ATG13: variants seen among roughly 807,000 people sequenced by gnomAD.
ATG13 encodes autophagy related 13, also known as autophagy-related protein 13.
Under a neutral mutation model 65.5 loss-of-function variants are expected in ATG13, and 23 were observed. That is an observed-to-expected ratio of 0.35 (90% CI 0.25 to 0.50). The LOEUF (loss-of-function observed/expected upper bound fraction) is 0.50. Among genes scored for constraint, ATG13 ranks in the 20% least tolerant of loss-of-function variants. The pLI is 0.98. For synonymous variants in ATG13, 252 were observed against 245.2 expected (o/e 1.03, Z -0.26); for missense variants, 566 against 677.0 (o/e 0.84, Z 1.82).
rs1565647959 is a variant in ATG13, at chr11:46,672,339, C to A, written c.*7C>A. 1 of 1,614,104 alleles carries A rather than the reference C, an allele frequency of 6.2e-7. No homozygotes were observed. The highest frequency in any genetic ancestry group is 1.3e-5 in the African/African-American group (1 of 74,940). ...TGTGGAAACCCTGCAGTAAAAGTAT[C>A]CTTGAGTCCCAGCAGCACCCCCTTT... is the stretch of plus-strand genomic sequence containing the variant. On this transcript the variant is annotated 3_prime_UTR_variant, in exon 19 of 19. Coordinates refer to ENST00000683050, the MANE Select transcript of ATG13 (RefSeq NM_001346311.2).
intron 6 of ATG13, among the ~76,000 whole-genome samples, chr11:46,649,392 C>T (rs1371922966): frequency 2.0e-5 from 3 of 152,206 alleles, no homozygotes; most frequent in African/African-American, 7.2e-5. Flanking sequence ...TCCAGAGAGA[C>T]TCAGATACTA....
intron 1 of ATG13, among the ~76,000 whole-genome samples, chr11:46,624,213 A>G (rs966979972): frequency 6.6e-6 from 1 of 152,154 alleles, no homozygotes; most frequent in Non-Finnish European, 1.5e-5. Flanking sequence ...CATGTTGGCC[A>G]GGCTGGTCTC....
intron 1 of ATG13, among the ~76,000 whole-genome samples, chr11:46,624,886 A>T (rs997301264): frequency 6.6e-6 from 1 of 152,034 alleles, no homozygotes; most frequent in Non-Finnish European, 1.5e-5. Flanking sequence ...ATAAAAAATT[A>T]CCTGGGCATG....
rs1266790985 is a variant in ATG13, at chr11:46,669,128, C to G, written c.1446+218C>G. Among the ~76,000 whole-genome samples the G allele has an allele frequency of 2.6e-5, 4 of 152,188 alleles. No individual in the cohort carries two copies. The East Asian group carries it at 7.7e-4, about 29-fold the overall frequency. Reference sequence around the variant, plus strand: ...TTTGGTTAAAATTCATAATGAAATTCAACTCTAAATGGAGATTTTCCACTG... The same window carrying G: ...TTTGGTTAAAATTCATAATGAAATTGAACTCTAAATGGAGATTTTCCACTG... On this transcript the variant is annotated intron_variant, in intron 17 of 18. Transcript: ENST00000683050.
chr11:46,648,945 A>G, intron 5 of ATG13, 192 bp from the exon 6 acceptor site: 1 of 426,042 alleles, frequency 2.3e-6, no homozygotes, highest in Non-Finnish European at 4.1e-6. Context: ...TTTATTAAGA[A>G]AAAACAAGTC....
At chr11:46,665,583 C>A in intron 14 of ATG13, 64 bp downstream of exon 14, 1 of 1,572,082 alleles carries the variant, frequency 6.4e-7, no homozygotes, top group Middle Eastern at 1.7e-4. Flanking sequence ...CCCTGACACA[C>A]GTGCTTATTT....
chr11:46,619,372 CTTTTTTTTTTTTT>C (rs746642470), intron 1 of ATG13, among the ~76,000 whole-genome samples: 9 of 35,324 alleles, frequency 2.5e-4, no homozygotes, highest in Middle Eastern at 0.021. Flanking sequence ...AGATTTCTTG[CTTTTTTTTTTTTT>C]TTTTTTTTTT....
intron 2 of ATG13, among the ~76,000 whole-genome samples, chr11:46,635,011 T>C (rs933326241): frequency 6.6e-6 from 1 of 151,532 alleles, no homozygotes; most frequent in African/African-American, 2.4e-5. Flanking sequence ...TAGGTTTTTT[T>C]TGTTTTTTTT....
rs780051483 is a variant in ATG13, at chr11:46,657,204, C to G, written c.596+13C>G. The G allele has an allele frequency of 6.2e-7, 1 of 1,601,268 alleles. No individual in the cohort carries two copies. The highest frequency in any genetic ancestry group is 8.6e-7 in the Non-Finnish European group (1 of 1,168,972). ...TCATGTCTACCAGGTGAGGAAGAGC[C>G]CTGGAATCCAAAAGAACTCTTCCGA... On this transcript the variant is annotated intron_variant, in intron 9 of 18. Transcript: ENST00000683050.
chr11:46,646,914 C>G (rs1223758795), intron 5 of ATG13, among the ~76,000 whole-genome samples: 15 of 152,130 alleles, frequency 9.9e-5, no homozygotes, highest in Admixed American at 9.8e-4. Context: ...CATGCACCAC[C>G]ATGCCCAGCT....
At chr11:46,629,641 C>G (rs946930465) in intron 1 of ATG13, among the ~76,000 whole-genome samples, 1 of 152,164 alleles carries the variant, frequency 6.6e-6, no homozygotes, top group Non-Finnish European at 1.5e-5. Flanking sequence ...AGATGATCCA[C>G]CCGCTTCGGC....
intron 8 of ATG13, 118 bp from the exon 9 acceptor site, chr11:46,656,977 A>G (rs2060176184): frequency 2.4e-6 from 2 of 827,408 alleles, no homozygotes; most frequent in Non-Finnish European, 4.1e-6. Flanking sequence ...TGCACTTAAC[A>G]TGCTAAGTGG....
rs149386053 is a variant in ATG13, at chr11:46,666,582, A to C, written c.1136+1063A>C. On this transcript the variant is annotated intron_variant, in intron 14 of 18. Transcript: ENST00000683050. ...GAACGTTCTCATATTTCCACCCTGC[A>C]GAAGTCACCACTGTTACCTGCTTAT... is the stretch of plus-strand genomic sequence containing the variant. Among the ~76,000 whole-genome samples the C allele has an allele frequency of 4.0e-3, 610 of 152,358 alleles. 3 individuals carry two copies. The highest frequency in any genetic ancestry group is 0.014 in the African/African-American group (587 of 41,588).
rs2064166207 is a variant in ATG13 at position 46,673,410 on chromosome 11, C to A, written c.*1078C>A. 1 of 152,308 alleles carries A rather than the reference C, an allele frequency of 6.6e-6. No individual in the cohort carries two copies. The highest frequency in any genetic ancestry group is 6.5e-5 in the Admixed American group (1 of 15,282). The allele number at this position is 152,308 out of a possible 1,614,324, so 9.4% of individuals were successfully genotyped here. On this transcript the variant is annotated 3_prime_UTR_variant, in exon 19 of 19. Coordinates refer to ENST00000683050, the MANE Select transcript of ATG13 (RefSeq NM_001346311.2). The stretch of plus-strand genomic sequence containing the variant: ...CGTATTCCTGGTGAGAGCCTTACAT[C>A]TCCCACAGTTTCTGCAGAGTGACTG...
chr11:46,618,393 T>C (rs1311070529), intron 1 of ATG13: 1 of 152,456 alleles, frequency 6.6e-6, no homozygotes, highest in African/African-American at 2.4e-5. Flanking sequence ...GCTAAGCACC[T>C]TCTTGAGCTC....
intron 1 of ATG13, among the ~76,000 whole-genome samples, chr11:46,629,588 G>A (rs1340450800): frequency 2.6e-5 from 4 of 151,800 alleles, no homozygotes; most frequent in African/African-American, 7.3e-5. Context: ...GTAGAGACGG[G>A]GTTTCTCCAT....
chr11:46,646,493 C>A (rs1565510536), intron 5 of ATG13, among the ~76,000 whole-genome samples: 4 of 148,326 alleles, frequency 2.7e-5, no homozygotes, highest in Admixed American at 1.3e-4. Context: ...GACAGAGTTT[C>A]ACTCTTGTTG....
chr11:46,657,425 G>A, intron 9 of ATG13, 99 bp from the exon 10 acceptor site: 3 of 1,196,404 alleles, frequency 2.5e-6, no homozygotes. Flanking sequence ...AGCTCTGGTA[G>A]TGCCTGCCAA....
At position 46,664,848 on chromosome 11, in the gene ATG13, GCT is replaced by G; in HGVS notation, c.892_893del (p.Ser298LysfsTer17). The G allele has an allele frequency of 6.2e-7, 1 of 1,612,890 alleles. No homozygotes were observed. Among genetic ancestry groups the G allele is most frequent in the Non-Finnish European group, 8.5e-7 (1 of 1,179,086 alleles). On this transcript the variant is annotated frameshift_variant and splice_region_variant, in exon 13 of 19. Transcript: ENST00000683050. LOFTEE classifies it high-confidence loss of function. The stretch of plus-strand genomic sequence containing the variant: ...CTCCTCTTTGTTTTTCTCTTGCTTA[GCT>G]CTCAAGCTCTCGCCTTTCCTATCAG... Reference protein sequence around the residue: ...PMAGLAFSHQLSSSRLSYQPA... With the variant: ...PMAGLAFSHQXSSSRLSYQPA...
Sources: gnomAD v4.1 joint callset for allele counts (sites outside exome capture counted in the v4.1 genomes callset) on GRCh38, gnomAD v4.1.1 for gene constraint, MANE v1.5 for transcripts, NCBI Gene and HGNC (gene_info 2026-07-23, HGNC 2026-07-21) for gene names.